THSD7B: variants seen among roughly 807,000 people sequenced by gnomAD.
THSD7B encodes the protein thrombospondin type 1 domain containing 7B, also known as thrombospondin type-1 domain-containing protein 7B.
THSD7B carries 138 observed loss-of-function variants against 213.6 expected under a neutral mutation model. The ratio of observed to expected loss-of-function variants is 0.65; its 90% CI spans 0.56 to 0.74. The LOEUF (loss-of-function observed/expected upper bound fraction) is 0.74, where lower values mean the gene tolerates loss of function less well. Among genes scored for constraint, THSD7B ranks in the 30% least tolerant of loss-of-function variants. The pLI, the probability that THSD7B is intolerant of heterozygous loss-of-function variation, is 0.00. For missense variants in THSD7B, 1,931 were observed against 1,991.5 expected (o/e 0.97, Z 0.58); for synonymous variants, 742 against 687.0 (o/e 1.08, Z -1.25).
chr2:137,230,926 T>G (rs1681624718), intron 7 of THSD7B, 118 bp from the exon 8 acceptor site: 1 of 1,004,524 alleles, frequency 1.0e-6, no homozygotes, highest in Non-Finnish European at 1.4e-6. Flanking sequence ...ATGTAAATAT[T>G]GTGAATGGCT....
intron 12 of THSD7B, among the ~76,000 whole-genome samples, chr2:137,355,555 A>G (rs770897986): frequency 6.6e-6 from 1 of 152,180 alleles, no homozygotes; most frequent in Non-Finnish European, 1.5e-5. Flanking sequence ...ATTTGTTCAG[A>G]CCTGAGAGGG....
At chr2:137,575,695 G>A (rs1368790272) in intron 17 of THSD7B, among the ~76,000 whole-genome samples, 1 of 135,766 alleles carries the variant, frequency 7.4e-6, no homozygotes, top group Non-Finnish European at 1.7e-5. Flanking sequence ...TTTGTTTTAT[G>A]TTCATGTTTT....
chr2:136,765,977 C>T (rs1377886645), intron 1 of THSD7B, among the ~76,000 whole-genome samples: 1 of 152,204 alleles, frequency 6.6e-6, no homozygotes, highest in South Asian at 2.1e-4. Flanking sequence ...ACCTGAGCAC[C>T]GACCTCATGC....
At chr2:137,221,538 T>C (rs1312830573) in intron 7 of THSD7B, among the ~76,000 whole-genome samples, 1 of 152,198 alleles carries the variant, frequency 6.6e-6, no homozygotes, top group African/African-American at 2.4e-5. Flanking sequence ...AATAGGCAAC[T>C]TTTTCTACTA....
rs897459979 is a variant in THSD7B at position 137,483,258 on chromosome 2, A to G, written c.3138+32235A>G. ...TTCTTGTTTACCCTGTGAGGAAGGT[A>G]CTACTATCATGCCTTTTTTGTAAAT... On this transcript the variant is annotated intron_variant, in intron 15 of 27. Transcript: ENST00000409968. Among the ~76,000 whole-genome samples, 4 of 152,240 alleles carry G rather than the reference A, an allele frequency of 2.6e-5. No homozygotes were observed. The East Asian group carries it at 7.7e-4, about 29-fold the overall frequency.
chr2:137,108,556 T>C (rs1230363427), intron 4 of THSD7B, among the ~76,000 whole-genome samples: 1 of 152,218 alleles, frequency 6.6e-6, no homozygotes, highest in Non-Finnish European at 1.5e-5. Context: ...TGTTTAATTC[T>C]AACTACGGTC....
At chr2:137,042,976 C>T (rs192645837) in intron 2 of THSD7B, among the ~76,000 whole-genome samples, 37 of 152,280 alleles carry the variant, frequency 2.4e-4, no homozygotes, top group East Asian at 1.2e-3. Flanking sequence ...GCTGTGTGCT[C>T]GCCCAGCTTG....
intron 1 of THSD7B, among the ~76,000 whole-genome samples, chr2:136,767,537 G>C (rs887047092): frequency 1.3e-5 from 2 of 151,394 alleles, no homozygotes; most frequent in African/African-American, 4.9e-5. Context: ...TTGAGGGTTA[G>C]AAACTCTTTT....
chr2:137,237,397 G>C (rs35648718), intron 9 of THSD7B, among the ~76,000 whole-genome samples: 35,815 of 152,006 alleles, frequency 0.24, 4,797 homozygotes, highest in East Asian at 0.48. Flanking sequence ...GGAGAAATAA[G>C]TCTAATATTC....
chr2:137,507,523 T>A (rs1679863660), intron 15 of THSD7B, among the ~76,000 whole-genome samples: 1 of 152,164 alleles, frequency 6.6e-6, no homozygotes, highest in African/African-American at 2.4e-5. Context: ...CTGCATGAAG[T>A]CATAAATCCC....
intron 2 of THSD7B, among the ~76,000 whole-genome samples, chr2:137,009,547 A>G (rs1686184671): frequency 6.6e-6 from 1 of 152,210 alleles, no homozygotes; most frequent in African/African-American, 2.4e-5. Flanking sequence ...ATGGACTTAC[A>G]GTTCCACGTG....
At chr2:137,183,760 T>A (rs1009934032) in intron 7 of THSD7B, among the ~76,000 whole-genome samples, 3 of 152,156 alleles carry the variant, frequency 2.0e-5, no homozygotes, top group Admixed American at 1.3e-4. Context: ...TAGGTATTGA[T>A]GGATGTAGGC....
chr2:137,184,210 C>T (rs548437635), intron 7 of THSD7B, among the ~76,000 whole-genome samples: 41 of 152,166 alleles, frequency 2.7e-4, no homozygotes, highest in South Asian at 8.3e-4. Context: ...TATGGTGAAA[C>T]GCAGAGGAGG....
At chr2:137,236,248 A>G (rs536516646) in intron 9 of THSD7B, among the ~76,000 whole-genome samples, 6 of 152,304 alleles carry the variant, frequency 3.9e-5, no homozygotes, top group Non-Finnish European at 5.9e-5. Context: ...GCATGTCTCC[A>G]TGGAACGTGT....
intron 12 of THSD7B, among the ~76,000 whole-genome samples, chr2:137,359,834 C>A (rs1685213717): frequency 6.6e-6 from 1 of 152,104 alleles, no homozygotes; most frequent in Non-Finnish European, 1.5e-5. Flanking sequence ...GCTGTTCTTC[C>A]CACAGTCCGC....
intron 1 of THSD7B, among the ~76,000 whole-genome samples, chr2:136,780,052 G>T (rs1446785562): frequency 6.6e-6 from 1 of 152,132 alleles, no homozygotes; most frequent in Non-Finnish European, 1.5e-5. Flanking sequence ...GGGGGTGTGT[G>T]TGTCTATGTG....
intron 3 of THSD7B, among the ~76,000 whole-genome samples, chr2:137,078,647 T>C (rs1028698401): frequency 6.6e-6 from 1 of 152,128 alleles, no homozygotes; most frequent in African/African-American, 2.4e-5. Context: ...CATGCTTTCT[T>C]TATGTATGTA....
At position 137,170,106 on chromosome 2, in the gene THSD7B, G is replaced by A. The variant is rs377409726; in HGVS notation, c.1526-635G>A. ...CCCATAGCATGTAAAATACATCTAT[G>A]TTCTTATTACAGTCTCTGGCTGGGA... On this transcript the variant is annotated intron_variant, in intron 6 of 27. Transcript: ENST00000409968. 5.3e-5 allele frequency among the ~76,000 whole-genome samples: 8 copies of A among 152,214 alleles called. No individual in the cohort carries two copies. The East Asian group carries it at 1.6e-3, about 30-fold the overall frequency.
chr2:137,271,008 G>A (rs1432619106), intron 10 of THSD7B, among the ~76,000 whole-genome samples: 1 of 152,046 alleles, frequency 6.6e-6, no homozygotes, highest in Non-Finnish European at 1.5e-5. Context: ...TGGCTGAGTT[G>A]CTTCTCACTG....
Sources: allele counts gnomAD v4.1 joint callset (sites outside exome capture counted in the v4.1 genomes callset), GRCh38; gene constraint gnomAD v4.1.1; transcripts MANE v1.5; gene names NCBI Gene and HGNC (gene_info 2026-07-23, HGNC 2026-07-21).